The following AFG1L variants were observed in gnomAD, a reference collection of about 807,000 sequenced individuals.
The protein encoded by AFG1L is AFG1 like ATPase, also known as AFG1-like ATPase.
In AFG1L, 53 loss-of-function variants were observed where a neutral mutation model predicts 62.2. The ratio of observed to expected loss-of-function variants is 0.85; its 90% confidence interval spans 0.68 to 1.07. The LOEUF (loss-of-function observed/expected upper bound fraction) is 1.07, where lower values mean the gene tolerates loss of function less well. Ranked by LOEUF, AFG1L falls within the 50% of genes least tolerant of loss-of-function variation. The probability of loss-of-function intolerance (pLI) is 0.00; values close to 1 mark genes in which losing one functional copy is unlikely to be tolerated. For synonymous variants in AFG1L, 228 were observed against 210.3 expected (o/e 1.08, Z -0.73); for missense variants, 555 against 590.5 (o/e 0.94, Z 0.62).
intron 7 of AFG1L, among the ~76,000 whole-genome samples, chr6:108,444,981 ATCT>A (rs1163142030): frequency 6.6e-6 from 1 of 152,236 alleles, no homozygotes; most frequent in Non-Finnish European, 1.5e-5. Flanking sequence ...CCTAGTTGGC[ATCT>A]TCTTCCAGCA....
In AFG1L at chr6:108,518,900, C is replaced by T. The variant is rs1474973265; in HGVS notation, c.1204-797C>T. Among the ~76,000 whole-genome samples, 16 of 152,338 alleles carry T rather than the reference C, an allele frequency of 1.1e-4. 1 individual carries two copies. The East Asian group carries it at 2.9e-3, about 28-fold the overall frequency. On this transcript the variant is annotated intron_variant, in intron 11 of 12. Transcript: ENST00000368977. Reference sequence around the variant, plus strand: ...TTAGCAGTCTGCTGTGCAGCAAAAGCGTAACTAACCTCTTTACAGTGTCCC... The same window carrying T: ...TTAGCAGTCTGCTGTGCAGCAAAAGTGTAACTAACCTCTTTACAGTGTCCC...
At chr6:108,485,665 T>TC (rs1773544688) in intron 10 of AFG1L, among the ~76,000 whole-genome samples, 1 of 67,372 alleles carries the variant, frequency 1.5e-5, no homozygotes, top group African/African-American at 5.8e-5. Flanking sequence ...TATTTTTTTT[T>TC]TTTTTTTTTT....
Position 108,386,426 on chromosome 6 carries a change from A to C in AFG1L, c.749-15570A>C, listed in dbSNP as rs182426661. ...CAGTGAGCCAAGATAGTGCCATTGC[A>C]CTCCAGCTTAGACAACAAGAGCAAA... is the stretch of plus-strand genomic sequence containing the variant. On this transcript the variant is annotated intron_variant, in intron 6 of 12. Transcript: ENST00000368977. Among the ~76,000 whole-genome samples the C allele has an allele frequency of 2.0e-4, 30 of 152,056 alleles. No individual in the cohort carries two copies. The East Asian group carries it at 5.8e-3, about 29-fold the overall frequency.
At chr6:108,368,168 T>C (rs1446598863) in intron 6 of AFG1L, among the ~76,000 whole-genome samples, 3 of 152,224 alleles carry the variant, frequency 2.0e-5, no homozygotes, top group East Asian at 3.9e-4. Flanking sequence ...TTTATTTTTG[T>C]TTTTTGTTTT....
At chr6:108,496,545 C>T (rs1037285137) in intron 10 of AFG1L, among the ~76,000 whole-genome samples, 1 of 152,142 alleles carries the variant, frequency 6.6e-6, no homozygotes, top group African/African-American at 2.4e-5. Flanking sequence ...GAATATTTTA[C>T]ATATTCATGA....
At chr6:108,311,379 C>T (rs1175272645) in intron 1 of AFG1L, among the ~76,000 whole-genome samples, 1 of 152,204 alleles carries the variant, frequency 6.6e-6, no homozygotes, top group African/African-American at 2.4e-5. Flanking sequence ...ACTCCCTAAC[C>T]TAGATTACTA....
At chr6:108,417,244 A>ACAGACACG (rs1172878811) in intron 7 of AFG1L, among the ~76,000 whole-genome samples, 13 of 106,854 alleles carry the variant, frequency 1.2e-4, no homozygotes, top group African/African-American at 4.7e-4. Context: ...AAACACACAC[A>ACAGACACG]CACACACACA....
chr6:108,468,748 C>G (rs1278051656), intron 8 of AFG1L, among the ~76,000 whole-genome samples: 1 of 138,734 alleles, frequency 7.2e-6, no homozygotes, highest in Non-Finnish European at 1.6e-5. Context: ...TTTGTTTTCT[C>G]TTCTATTTTC....
At chr6:108,298,260 A>AT (rs779200181) in intron 1 of AFG1L, among the ~76,000 whole-genome samples, 8,273 of 121,408 alleles carry the variant, frequency 0.068, 928 homozygotes, top group African/African-American at 0.22. Flanking sequence ...GAGGGGAAGA[A>AT]TTTTTTTTTT....
intron 7 of AFG1L, among the ~76,000 whole-genome samples, chr6:108,426,658 A>G (rs1770828621): frequency 1.3e-5 from 2 of 152,236 alleles, no homozygotes. Context: ...GACAGCTATC[A>G]GCTTTTTCCC....
chr6:108,338,826 G>A (rs1797955349), intron 2 of AFG1L, among the ~76,000 whole-genome samples: 1 of 152,100 alleles, frequency 6.6e-6, no homozygotes, highest in South Asian at 2.1e-4. Context: ...CAAAAGATGC[G>A]AGACCCCGTT....
At chr6:108,358,180 A>C (rs1779374574) in intron 5 of AFG1L, among the ~76,000 whole-genome samples, 1 of 152,260 alleles carries the variant, frequency 6.6e-6, no homozygotes, top group Admixed American at 6.5e-5. Flanking sequence ...TTTCAAGAAC[A>C]AAAGTCAGTG....
At chr6:108,349,374 C>T (rs776267552) in intron 3 of AFG1L, among the ~76,000 whole-genome samples, 2 of 152,084 alleles carry the variant, frequency 1.3e-5, no homozygotes, top group Non-Finnish European at 2.9e-5. Context: ...GTCCCAATTA[C>T]TCGAGAGGCT....
intron 6 of AFG1L, among the ~76,000 whole-genome samples, chr6:108,396,691 A>G (rs867684850): frequency 2.0e-5 from 3 of 151,940 alleles, no homozygotes; most frequent in Non-Finnish European, 2.9e-5. Context: ...GAGTTTCACC[A>G]TGTTGGCCAG....
intron 10 of AFG1L, among the ~76,000 whole-genome samples, chr6:108,501,592 A>G (rs1201417327): frequency 6.6e-6 from 1 of 152,166 alleles, no homozygotes; most frequent in East Asian, 1.9e-4. Context: ...CTCAGACTTC[A>G]TCTCTCCTTT....
At chr6:108,453,263 A>G (rs994608815) in intron 8 of AFG1L, among the ~76,000 whole-genome samples, 2 of 152,226 alleles carry the variant, frequency 1.3e-5, no homozygotes, top group African/African-American at 4.8e-5. Flanking sequence ...GGATTTTTAG[A>G]TACAGCCCAA....
At chr6:108,475,116 G>C (rs1398697781) in intron 8 of AFG1L, among the ~76,000 whole-genome samples, 1 of 152,180 alleles carries the variant, frequency 6.6e-6, no homozygotes, top group Admixed American at 6.5e-5. Flanking sequence ...TGGCTAGCCA[G>C]TTTTCCCAGC....
intron 8 of AFG1L, among the ~76,000 whole-genome samples, chr6:108,454,762 C>T (rs1056767351): frequency 3.9e-5 from 6 of 152,196 alleles, no homozygotes; most frequent in South Asian, 2.1e-4. Flanking sequence ...GAGCAATTCT[C>T]GTGCCTCAGC....
At chr6:108,485,277 G>A (rs370557913) in intron 10 of AFG1L, among the ~76,000 whole-genome samples, 25 of 152,022 alleles carry the variant, frequency 1.6e-4, no homozygotes, top group African/African-American at 5.6e-4. Flanking sequence ...AGGAGAAAAC[G>A]TGCTTTCATT....
Sources: allele counts gnomAD v4.1 joint callset (sites outside exome capture counted in the v4.1 genomes callset), GRCh38; gene constraint gnomAD v4.1.1; transcripts MANE v1.5; gene names NCBI Gene and HGNC (gene_info 2026-07-23, HGNC 2026-07-21).